MN1: variants seen among roughly 807,000 people sequenced by gnomAD.
MN1 encodes the protein MN1 proto-oncogene, transcriptional regulator, also known as transcriptional activator MN1.
MN1 carries 19 observed loss-of-function variants against 86.9 expected under a neutral mutation model. The observed-to-expected ratio is 0.22, with a 90% CI of 0.15 to 0.32. The LOEUF (loss-of-function observed/expected upper bound fraction) is 0.32. Among genes scored for constraint, MN1 ranks in the 10% least tolerant of loss-of-function variants. The pLI is 1.00. For missense variants in MN1, 1,841 were observed against 1,862.0 expected (o/e 0.99, Z 0.21); for synonymous variants, 928 against 849.6 (o/e 1.09, Z -1.60).
chr22:27,801,501 A>C lies in MN1; in HGVS notation c.-958T>G, dbSNP rs1484075341. On this transcript the variant is annotated 5_prime_UTR_variant, in exon 1 of 2. Transcript: ENST00000302326. ...GCTCCGGTTCCCTGCCTCCGCGCTG[A>C]GGTGCTTCGCGAGTCCCTCTCGGAC... 1 of 182,908 alleles carries C rather than the reference A, an allele frequency of 5.5e-6. No individual in the cohort carries two copies. Among genetic ancestry groups the C allele is most frequent in the Non-Finnish European group, 1.1e-5 (1 of 87,002 alleles). 11.3% of individuals were successfully genotyped at this position (182,908 alleles called of 1,614,324 possible).
In MN1 at chr22:27,799,033, T is replaced by C; in HGVS notation, c.1511A>G (p.Asp504Gly). Residue 504 changes from aspartate to glycine, a missense_variant, in exon 1 of 2, where the codon GAC (aspartate) becomes GGC (glycine). Transcript: ENST00000302326. ...LPGEFTPPVP[D>G]SFPSGPPLQH... The stretch of plus-strand genomic sequence containing the variant: ...CAGGGGCGGCCCCGAAGGGAAGCTG[T>C]CGGGCACAGGCGGTGTGAACTCGCC... 3 of 1,612,106 alleles carry C rather than the reference T, an allele frequency of 1.9e-6. No individual in the cohort carries two copies. The highest frequency in any genetic ancestry group is 2.5e-6 in the Non-Finnish European group (3 of 1,179,460).
intron 1 of MN1, among the ~76,000 whole-genome samples, chr22:27,779,131 A>G (rs1019956891): frequency 6.6e-6 from 1 of 152,130 alleles, no homozygotes; most frequent in Non-Finnish European, 1.5e-5. Context: ...GCAGGGTGCC[A>G]GGGTGACCAT....
In MN1 at chr22:27,753,958, AAG is replaced by A. The variant is rs959987029; in HGVS notation, c.3782-2864_3782-2863del. On this transcript the variant is annotated intron_variant, in intron 1 of 1. Coordinates refer to ENST00000302326, the MANE Select transcript of MN1 (RefSeq NM_002430.3). ...GTAGTACCTGCCACAGAGAGAGAGA[AAG>A]AGAGAAAATCTGAAAGGGGGTTATT... 4.3e-3 allele frequency among the ~76,000 whole-genome samples: 656 copies of A among 152,296 alleles called. 10 individuals carry two copies. The highest frequency in any genetic ancestry group is 0.015 in the African/African-American group (631 of 41,556).
intron 1 of MN1, among the ~76,000 whole-genome samples, chr22:27,788,899 G>A (rs898511166): frequency 2.0e-5 from 3 of 152,056 alleles, no homozygotes; most frequent in African/African-American, 7.2e-5. Context: ...CCCCCCAGAC[G>A]GTGTCACTCC....
rs372660581 is a variant in MN1, at chr22:27,794,000, A to G, written c.3781+2763T>C. ...TTTGCCTGCAAGGGGAGTAGAAAAA[A>G]AAATGCTGGGGCTGGTACCTAGAGA... On this transcript the variant is annotated intron_variant, in intron 1 of 1. Coordinates refer to ENST00000302326, the MANE Select transcript of MN1 (RefSeq NM_002430.3). 1.5e-4 allele frequency among the ~76,000 whole-genome samples: 23 copies of G among 152,348 alleles called. No homozygotes were observed. The South Asian group carries it at 4.8e-3, about 32-fold the overall frequency.
At chr22:27,753,946 C>G (rs1035882354) in intron 1 of MN1, among the ~76,000 whole-genome samples, 4 of 152,034 alleles carry the variant, frequency 2.6e-5, no homozygotes, top group Admixed American at 6.5e-5. Flanking sequence ...GTACCTGCCA[C>G]AGAGAGAGAG....
chr22:27,786,025 G>C (rs530375363), intron 1 of MN1, among the ~76,000 whole-genome samples: 1 of 152,364 alleles, frequency 6.6e-6, no homozygotes, highest in Non-Finnish European at 1.5e-5. Flanking sequence ...GACTCCGTCT[G>C]GCCCTCACTC....
chr22:27,761,764 G>A (rs747286573), intron 1 of MN1, among the ~76,000 whole-genome samples: 3 of 152,228 alleles, frequency 2.0e-5, no homozygotes, highest in Admixed American at 6.5e-5. Flanking sequence ...GCCTCGCGCC[G>A]GCCGCTGCAG....
chr22:27,795,722 TACAC>T (rs138609901), intron 1 of MN1, among the ~76,000 whole-genome samples: 8 of 150,510 alleles, frequency 5.3e-5, no homozygotes, highest in African/African-American at 1.7e-4. Flanking sequence ...CCTATATATA[TACAC>T]ACACACACAC....
chr22:27,756,303 G>A (rs1164879170), intron 1 of MN1, among the ~76,000 whole-genome samples: 1 of 152,162 alleles, frequency 6.6e-6, no homozygotes. Context: ...AACAGGCCTC[G>A]TCATCACCCT....
rs144249903 is a variant in MN1 at position 27,767,782 on chromosome 22, G to T, written c.3782-16686C>A. Among the ~76,000 whole-genome samples the T allele has an allele frequency of 5.2e-3, 791 of 152,172 alleles. 3 individuals are homozygous for T. Among genetic ancestry groups the T allele is most frequent in the African/African-American group, 0.018 (753 of 41,516 alleles). The stretch of plus-strand genomic sequence containing the variant: ...GAGGTGTTGGTTAAGGGTTTGGGGG[G>T]TTTTGACAAAAAGAAAAAAAAGAGA... On this transcript the variant is annotated intron_variant, in intron 1 of 1. Transcript: ENST00000302326.
In MN1 at chr22:27,799,158, C is replaced by T. The variant is rs1470751549; in HGVS notation, c.1386G>A (p.Pro462=). The T allele has an allele frequency of 6.2e-7, 1 of 1,606,084 alleles. No homozygotes were observed. The highest frequency in any genetic ancestry group is 8.5e-7 in the Non-Finnish European group (1 of 1,174,560). ...CGCAGCGGTCCACTCCCGCGCTGCCCGGAAAGTCGAAGCGCGGCCTCTTGG... is the reference window on the plus strand; with the variant it reads ...CGCAGCGGTCCACTCCCGCGCTGCCTGGAAAGTCGAAGCGCGGCCTCTTGG... ...NVAKRPRFDF[P]GSAGVDRCAS... Residue 462 remains proline, a synonymous_variant, in exon 1 of 2, where the codon CCG becomes CCA. Coordinates refer to ENST00000302326, the MANE Select transcript of MN1 (RefSeq NM_002430.3).
chr22:27,800,025 G>C lies in MN1; in HGVS notation c.519C>G (p.Leu173=). 6.2e-7 allele frequency: 1 copy of C among 1,604,324 alleles called. No homozygotes were observed. Among genetic ancestry groups the C allele is most frequent in the Non-Finnish European group, 8.5e-7 (1 of 1,179,316 alleles). ...ESFGPQRPGN[L]PDFHSSGASS... ...AGGCACCTGAACTGTGGAAGTCCGG[G>C]AGGTTCCCCGGTCGCTGCGGGCCGA... The change falls in exon 1 of 2, where the codon CTC becomes CTG. Residue 173 remains leucine (L), a synonymous_variant. Transcript: ENST00000302326.
intron 1 of MN1, among the ~76,000 whole-genome samples, chr22:27,768,062 T>G (rs4822938): frequency 0.18 from 27,602 of 151,820 alleles, 3,116 homozygotes; most frequent in African/African-American, 0.31. Context: ...TCTTCTACTT[T>G]TTCCCCACAC....
rs1325064849 is a variant in MN1 at position 27,798,723 on chromosome 22, G to T, written c.1821C>A (p.Gly607=). The T allele has an allele frequency of 4.6e-6, 7 of 1,535,384 alleles. No individual in the cohort carries two copies. Among genetic ancestry groups the T allele is most frequent in the Non-Finnish European group, 5.2e-6 (6 of 1,146,750 alleles). The change falls in exon 1 of 2, where the codon GGC becomes GGA. Residue 607 remains glycine, a synonymous_variant. Transcript: ENST00000302326. ...GLAQPNFERE[G]GSTGAGRLGT... ...CCAGACGCCCGGCGCCCGTGCTGCC[G>T]CCTTCGCGCTCAAAGTTCGGCTGGG...
intron 1 of MN1, among the ~76,000 whole-genome samples, chr22:27,786,630 G>C (rs941967749): frequency 6.6e-6 from 1 of 152,136 alleles, no homozygotes; most frequent in African/African-American, 2.4e-5. Context: ...GAGAACCAAG[G>C]CACCAGAAGG....
chr22:27,783,602 C>T (rs1010031602), intron 1 of MN1, among the ~76,000 whole-genome samples: 3 of 152,142 alleles, frequency 2.0e-5, no homozygotes, highest in Admixed American at 6.5e-5. Context: ...CCTGGCTCTG[C>T]GCCTGTGCTG....
At chr22:27,783,411 C>T (rs1933080344) in intron 1 of MN1, among the ~76,000 whole-genome samples, 1 of 152,144 alleles carries the variant, frequency 6.6e-6, no homozygotes, top group Non-Finnish European at 1.5e-5. Flanking sequence ...GGATTACAGG[C>T]CTGAGACACC....
intron 1 of MN1, among the ~76,000 whole-genome samples, chr22:27,755,435 A>G (rs1932796053): frequency 6.6e-6 from 1 of 152,160 alleles, no homozygotes; most frequent in South Asian, 2.1e-4. Flanking sequence ...TTGGGGACTG[A>G]TGGGCATGCC....
Sources: gnomAD v4.1 joint callset for allele counts (sites outside exome capture counted in the v4.1 genomes callset) on GRCh38, gnomAD v4.1.1 for gene constraint, MANE v1.5 for transcripts, NCBI Gene and HGNC (gene_info 2026-07-23, HGNC 2026-07-21) for gene names.